The following SMYD3 variants were observed in gnomAD, a reference collection of about 807,000 sequenced individuals.
SMYD3 encodes histone-lysine N-methyltransferase SMYD3.
In SMYD3, 36 loss-of-function variants were observed where a neutral mutation model predicts 57.7. The ratio of observed to expected loss-of-function variants is 0.62; its 90% CI spans 0.48 to 0.82. The LOEUF (loss-of-function observed/expected upper bound fraction) is 0.82, where lower values mean the gene tolerates loss of function less well. Ranked by LOEUF, SMYD3 falls within the 40% of genes least tolerant of loss-of-function variation. SMYD3 has a pLI of 0.00. For missense variants in SMYD3, 515 were observed against 538.8 expected, an observed-to-expected ratio of 0.96 and a Z score of 0.44; for synonymous variants, 211 against 195.0, an observed-to-expected ratio of 1.08 and a Z score of -0.68.
At position 245,929,850 on chromosome 1, in the gene SMYD3, T is replaced by C. The variant is rs2056608115; in HGVS notation, c.599+20A>G. ...GAATGAAAGTGTGTCTTCCAGTACA[T>C]GAAGTACCATACACCATACCTGGGA... On this transcript the variant is annotated intron_variant, in intron 6 of 11. Transcript: ENST00000490107. 2 of 1,593,654 alleles carry C rather than the reference T, an allele frequency of 1.3e-6. No homozygotes were observed. Among genetic ancestry groups the C allele is most frequent in the African/African-American group, 2.7e-5 (2 of 74,424 alleles).
intron 7 of SMYD3, among the ~76,000 whole-genome samples, chr1:245,921,717 T>C (rs753742415): frequency 4.6e-5 from 7 of 152,100 alleles, no homozygotes; most frequent in Non-Finnish European, 8.8e-5. Context: ...TTCTCATAAA[T>C]TGTGGAAACA....
chr1:246,436,738 C>T (rs1011180642), intron 1 of SMYD3, among the ~76,000 whole-genome samples: 2 of 152,154 alleles, frequency 1.3e-5, no homozygotes, highest in Non-Finnish European at 2.9e-5. Context: ...CATGCTCCCG[C>T]CCCCAAGGGC....
chr1:246,240,617 A>G (rs1312923035), intron 5 of SMYD3, among the ~76,000 whole-genome samples: 1 of 152,114 alleles, frequency 6.6e-6, no homozygotes, highest in Non-Finnish European at 1.5e-5. Flanking sequence ...GTTTTTTCCA[A>G]TTCTGTGAAG....
In SMYD3 at chr1:246,331,432, A is replaced by G. The variant is rs114832076; in HGVS notation, c.337-895T>C. On this transcript the variant is annotated intron_variant, in intron 3 of 11. Transcript: ENST00000490107. ...TTACAATACCCAAGTTATAAAGGCA[A>G]TGTAACAGAGATTACTACCATCTCA... Among the ~76,000 whole-genome samples the G allele has an allele frequency of 6.9e-3, 1,046 of 152,328 alleles. 12 individuals are homozygous for G. The highest frequency in any genetic ancestry group is 0.024 in the African/African-American group (980 of 41,572).
At chr1:246,082,510 T>C (rs1322855761) in intron 5 of SMYD3, among the ~76,000 whole-genome samples, 1 of 151,878 alleles carries the variant, frequency 6.6e-6, no homozygotes, top group Admixed American at 6.6e-5. Flanking sequence ...CCACAACCAA[T>C]CAGCAGCACA....
intron 5 of SMYD3, among the ~76,000 whole-genome samples, chr1:246,097,771 G>A (rs965232931): frequency 1.3e-5 from 2 of 152,032 alleles, no homozygotes; most frequent in African/African-American, 4.8e-5. Context: ...AGGAGTGTCC[G>A]GGGCCCTAGA....
At chr1:245,781,909 T>C (rs1423548385) in intron 10 of SMYD3, among the ~76,000 whole-genome samples, 1 of 152,038 alleles carries the variant, frequency 6.6e-6, no homozygotes, top group Non-Finnish European at 1.5e-5. Context: ...GCAGAAGTTA[T>C]AGCGAGACAA....
At chr1:246,416,708 T>C (rs950615194) in intron 1 of SMYD3, among the ~76,000 whole-genome samples, 1 of 151,954 alleles carries the variant, frequency 6.6e-6, no homozygotes, top group Admixed American at 6.6e-5. Flanking sequence ...TATCCTGAAG[T>C]ATGGTGCTTT....
At chr1:245,887,212 C>A (rs1377671446) in intron 8 of SMYD3, among the ~76,000 whole-genome samples, 1 of 152,078 alleles carries the variant, frequency 6.6e-6, no homozygotes, top group Non-Finnish European at 1.5e-5. Flanking sequence ...CCTACCAAAA[C>A]CGAGATGGCC....
intron 1 of SMYD3, among the ~76,000 whole-genome samples, chr1:246,403,797 A>G (rs1466551517): frequency 1.3e-5 from 2 of 152,236 alleles, no homozygotes; most frequent in African/African-American, 2.4e-5. Context: ...TAAATTTCAT[A>G]AGACTATATT....
intron 5 of SMYD3, chr1:246,186,685 G>T (rs2062646914): frequency 2.2e-6 from 2 of 921,842 alleles, no homozygotes; most frequent in African/African-American, 1.8e-5. Flanking sequence ...ACCTGTGAGA[G>T]TCTGGCACTG....
At chr1:246,163,952 T>G (rs901073454) in intron 5 of SMYD3, among the ~76,000 whole-genome samples, 2 of 152,188 alleles carry the variant, frequency 1.3e-5, no homozygotes, top group Admixed American at 6.5e-5. Flanking sequence ...CTCGGAGATC[T>G]GCAGACATCT....
At chr1:245,986,339 C>T (rs1229548256) in intron 5 of SMYD3, among the ~76,000 whole-genome samples, 1 of 152,180 alleles carries the variant, frequency 6.6e-6, no homozygotes, top group East Asian at 1.9e-4. Context: ...CTGAGGGAAG[C>T]AGATACTTGA....
intron 8 of SMYD3, among the ~76,000 whole-genome samples, chr1:245,887,535 G>C (rs1042073497): frequency 6.6e-6 from 1 of 152,054 alleles, no homozygotes; most frequent in Non-Finnish European, 1.5e-5. Context: ...GGTCTGGATT[G>C]GGACCCCTTT....
At chr1:246,210,260 A>G (rs1015492993) in intron 5 of SMYD3, among the ~76,000 whole-genome samples, 2 of 152,172 alleles carry the variant, frequency 1.3e-5, no homozygotes, top group African/African-American at 4.8e-5. Flanking sequence ...CCCTGCAGCA[A>G]TGGTGCCTAC....
At chr1:246,013,893 T>G (rs1402347315) in intron 5 of SMYD3, among the ~76,000 whole-genome samples, 1 of 152,218 alleles carries the variant, frequency 6.6e-6, no homozygotes, top group African/African-American at 2.4e-5. Flanking sequence ...TCAAGAAGCT[T>G]TCTGGTATAC....
At chr1:246,161,482 G>A (rs2062119184) in intron 5 of SMYD3, among the ~76,000 whole-genome samples, 1 of 152,198 alleles carries the variant, frequency 6.6e-6, no homozygotes, top group Admixed American at 6.5e-5. Context: ...TCTCCAGGAA[G>A]CCTTCTCTGG....
intron 1 of SMYD3, among the ~76,000 whole-genome samples, chr1:246,399,024 CTTAT>C (rs1025779715): frequency 1.3e-5 from 2 of 151,930 alleles, no homozygotes; most frequent in South Asian, 4.1e-4. Context: ...TTTATTTTAT[CTTAT>C]TTATTTGTTT....
intron 5 of SMYD3, among the ~76,000 whole-genome samples, chr1:245,949,705 A>G (rs889956371): frequency 1.4e-4 from 21 of 152,132 alleles, no homozygotes; most frequent in African/African-American, 5.1e-4. Context: ...GATACTTGAG[A>G]GGCTGAGGTG....
Sources: allele counts gnomAD v4.1 joint callset (sites outside exome capture counted in the v4.1 genomes callset), GRCh38; gene constraint gnomAD v4.1.1; transcripts MANE v1.5; gene names NCBI Gene and HGNC (gene_info 2026-07-23, HGNC 2026-07-21).